DAAM2: variants seen among roughly 807,000 people sequenced by gnomAD.
DAAM2 encodes disheveled-associated activator of morphogenesis 2.
DAAM2 carries 39 observed loss-of-function variants against 120.7 expected under a neutral mutation model. That is an observed-to-expected ratio of 0.32 (90% CI 0.25 to 0.42). The LOEUF is 0.42. Among genes scored for constraint, DAAM2 ranks in the 10% least tolerant of loss-of-function variants. DAAM2 has a pLI of 1.00. For synonymous variants in DAAM2, 488 were observed against 524.9 expected (o/e 0.93, Z 0.96); for missense variants, 1,283 against 1,401.7 (o/e 0.92, Z 1.35).
chr6:39,796,265 T>C (rs1028142275), intron 1 of DAAM2, among the ~76,000 whole-genome samples: 1 of 152,150 alleles, frequency 6.6e-6, no homozygotes, highest in African/African-American at 2.4e-5. Flanking sequence ...ATTTAAGATT[T>C]TGAAGATCAC....
At chr6:39,840,120 G>C (rs796706635) in intron 1 of DAAM2, among the ~76,000 whole-genome samples, 6 of 152,198 alleles carry the variant, frequency 3.9e-5, no homozygotes, top group African/African-American at 1.4e-4. Flanking sequence ...CCAGCTACTC[G>C]GGAGGCTGAG....
Position 39,904,043 on chromosome 6 carries a change from C to G in DAAM2, c.*2006C>G, listed in dbSNP as rs1282285118. ...TCTAAAGGTCCTCTCCCAAACTGAC[C>G]AGGCTGATGTCAACCTAACCCCCTC... On this transcript the variant is annotated 3_prime_UTR_variant, in exon 25 of 25. Transcript: ENST00000274867. 2.7e-6 allele frequency: 1 copy of G among 374,174 alleles called. No homozygotes were observed. The highest frequency in any genetic ancestry group is 5.2e-6 in the Non-Finnish European group (1 of 191,304). The allele number at this position is 374,174 out of a possible 1,614,324, so 23.2% of individuals were successfully genotyped here.
intron 1 of DAAM2, among the ~76,000 whole-genome samples, chr6:39,827,048 T>C (rs910197127): frequency 2.0e-5 from 3 of 152,226 alleles, no homozygotes; most frequent in African/African-American, 7.2e-5. Flanking sequence ...TTTGGAATTT[T>C]TAATTTTTGT....
chr6:39,863,141 CTT>C (rs1277348844), intron 3 of DAAM2, among the ~76,000 whole-genome samples: 1 of 151,910 alleles, frequency 6.6e-6, no homozygotes, highest in Admixed American at 6.6e-5. Flanking sequence ...GACCATGACT[CTT>C]TACTCCGTAC....
At chr6:39,881,312 A>T (rs1181838395) in intron 14 of DAAM2, among the ~76,000 whole-genome samples, 1 of 152,264 alleles carries the variant, frequency 6.6e-6, no homozygotes, top group Admixed American at 6.5e-5. Context: ...TTTGAATAAC[A>T]TTTGAGAACT....
Position 39,875,378 on chromosome 6 carries a change from T to A in DAAM2, c.1211T>A (p.Ile404Asn). 2 of 1,613,962 alleles carry A rather than the reference T, an allele frequency of 1.2e-6. No homozygotes were observed. Among genetic ancestry groups the A allele is most frequent in the Non-Finnish European group, 1.7e-6 (2 of 1,179,866 alleles). The part of the protein sequence containing the change: ...YFQQWQLLDR[I>N]LQQIVLQDER... The stretch of plus-strand genomic sequence containing the variant: ...CAGCAGTGGCAGCTCCTGGACCGCA[T>A]CCTCCAGCAGATTGTCCTCCAGGAT... Residue 404 changes from isoleucine to asparagine, a missense_variant, in exon 11 of 25, where the codon ATC (isoleucine) becomes AAC (asparagine). By Grantham distance (149) the Ile-to-Asn change is moderately radical (BLOSUM62 -3). Coordinates refer to ENST00000274867, the MANE Select transcript of DAAM2 (RefSeq NM_001201427.2).
chr6:39,876,299 G>A (rs771943035), intron 11 of DAAM2, among the ~76,000 whole-genome samples: 3 of 152,196 alleles, frequency 2.0e-5, no homozygotes, highest in Non-Finnish European at 2.9e-5. Context: ...GGCTGTCAAT[G>A]ATTCATTATG....
At chr6:39,835,679 G>A (rs1019671393) in intron 1 of DAAM2, among the ~76,000 whole-genome samples, 13 of 152,354 alleles carry the variant, frequency 8.5e-5, no homozygotes, top group African/African-American at 3.1e-4. Context: ...GAGGGGATGC[G>A]CATTGAGCGT....
At position 39,883,913 on chromosome 6, in the gene DAAM2, T is replaced by C. The variant is rs1229835376; in HGVS notation, c.1846-49T>C. ...GTTAGGGAGGCATGGAGCATCTTCA[T>C]GATGGAGTTGGGCCAACCATGGGAT... On this transcript the variant is annotated intron_variant, in intron 14 of 24. Transcript: ENST00000274867. The C allele has an allele frequency of 3.1e-6, 4 of 1,280,872 alleles. No individual in the cohort carries two copies. The African/African-American group carries it at 4.4e-5, about 14-fold the overall frequency. 79.3% of individuals were successfully genotyped at this position (1,280,872 alleles called of 1,614,324 possible).
intron 13 of DAAM2, among the ~76,000 whole-genome samples, 162 bp from the exon 14 acceptor site, chr6:39,879,016 T>C (rs1274616218): frequency 2.6e-5 from 4 of 152,046 alleles, no homozygotes; most frequent in African/African-American, 9.7e-5. Flanking sequence ...GTTAGATGTT[T>C]GGATGCAGAG....
Position 39,861,952 on chromosome 6 carries a change from T to TA in DAAM2, c.258+936dup, listed in dbSNP as rs528890373. The TA allele has an allele frequency of 2.4e-4, 36 of 152,476 alleles. No homozygotes were observed. In the South Asian group the frequency reaches 7.0e-3, roughly 30 times the overall value. The allele number at this position is 152,476 out of a possible 1,614,324, so 9.4% of individuals were successfully genotyped here. A position where few individuals can be genotyped will look rare whatever the true frequency, so the allele number is the denominator to read the frequency against. The stretch of plus-strand genomic sequence containing the variant: ...CTGTGCCCCCTCATAGCTCTTCTCT[T>TA]ACTCTTCCTGCTGAAGACTTTATCC... On this transcript the variant is annotated intron_variant, in intron 3 of 24. Transcript: ENST00000274867.
At chr6:39,894,931 T>G (rs1765980454) in intron 19 of DAAM2, among the ~76,000 whole-genome samples, 1 of 152,144 alleles carries the variant, frequency 6.6e-6, no homozygotes, top group Non-Finnish European at 1.5e-5. Flanking sequence ...TTTTGAACTT[T>G]ATATGAAAGG....
chr6:39,886,184 G>A, intron 15 of DAAM2: 1 of 383,518 alleles, frequency 2.6e-6, no homozygotes, highest in Non-Finnish European at 4.6e-6. Context: ...AGGCAGATGG[G>A]AGGAGCTGCC....
intron 1 of DAAM2, among the ~76,000 whole-genome samples, chr6:39,832,109 G>T (rs931674182): frequency 1.3e-5 from 2 of 151,604 alleles, no homozygotes; most frequent in African/African-American, 4.9e-5. Flanking sequence ...TGGGGGGACA[G>T]GTACGCTAGG....
intron 1 of DAAM2, chr6:39,848,970 T>C (rs1349283499): frequency 6.6e-6 from 1 of 152,228 alleles, no homozygotes; most frequent in African/African-American, 2.4e-5. Context: ...ATCTTTATTA[T>C]GGTTGGAATC....
chr6:39,851,711 C>A (rs996448548), intron 1 of DAAM2, among the ~76,000 whole-genome samples: 7 of 152,132 alleles, frequency 4.6e-5, no homozygotes, highest in Non-Finnish European at 8.8e-5. Flanking sequence ...GGGAAGCGCT[C>A]AGTACAGGCA....
intron 6 of DAAM2, chr6:39,868,609 G>GTGAGGCAGCACTGCCAC (rs1764523610): frequency 3.6e-6 from 2 of 562,534 alleles, no homozygotes; most frequent in Non-Finnish European, 6.4e-6. Context: ...TGGAGAGGAA[G>GTGAGGCAGCACTGCCAC]TGAGGCAGCA....
intron 5 of DAAM2, among the ~76,000 whole-genome samples, chr6:39,866,537 C>A (rs1273911469): frequency 6.6e-6 from 1 of 152,152 alleles, no homozygotes; most frequent in Non-Finnish European, 1.5e-5. Context: ...TGTGTGTGGG[C>A]ATGCCATGGA....
At chr6:39,863,292 A>G (rs1205833022) in intron 3 of DAAM2, among the ~76,000 whole-genome samples, 1 of 152,130 alleles carries the variant, frequency 6.6e-6, no homozygotes. Context: ...CCCCTCCCCA[A>G]GGCAGAAGGC....
Sources: allele counts gnomAD v4.1 joint callset (sites outside exome capture counted in the v4.1 genomes callset), GRCh38; gene constraint gnomAD v4.1.1; transcripts MANE v1.5; gene names NCBI Gene and HGNC (gene_info 2026-07-23, HGNC 2026-07-21).